Variants in WLS observed in about 807,000 individuals in gnomAD.
WLS encodes Wnt ligand secretion mediator, also known as protein wntless homolog.
Under a neutral mutation model 62.8 loss-of-function variants are expected in WLS, and 23 were observed. That is an observed-to-expected ratio of 0.37 (90% CI 0.26 to 0.52). WLS has a LOEUF of 0.52. WLS is among the 20% of genes least tolerant of loss of function. The probability of loss-of-function intolerance (pLI) is 0.92; values close to 1 mark genes in which losing one functional copy is unlikely to be tolerated. For synonymous variants in WLS, 246 were observed against 244.1 expected (o/e 1.01, Z -0.07); for missense variants, 615 against 697.3 (o/e 0.88, Z 1.33).
intron 1 of WLS, among the ~76,000 whole-genome samples, chr1:68,195,231 T>C (rs1648595413): frequency 6.6e-6 from 1 of 152,252 alleles, no homozygotes; most frequent in South Asian, 2.1e-4. Flanking sequence ...TAACACCAGC[T>C]CTGGAGGCGA....
chr1:68,167,832 G>A (rs755282177), intron 2 of WLS, among the ~76,000 whole-genome samples: 4 of 152,098 alleles, frequency 2.6e-5, no homozygotes, highest in African/African-American at 4.8e-5. Context: ...ACTGTCGTTC[G>A]TTACACTTAC....
chr1:68,156,947 C>T (rs1379542977), intron 3 of WLS, among the ~76,000 whole-genome samples: 1 of 152,138 alleles, frequency 6.6e-6, no homozygotes, highest in African/African-American at 2.4e-5. Context: ...CCAGTTAGGG[C>T]CTTATTTTAT....
chr1:68,098,896 G>T, intron 11 of WLS: 1 of 1,284,346 alleles, frequency 7.8e-7, no homozygotes, highest in Non-Finnish European at 1.0e-6. Context: ...ATTTGTTTAG[G>T]ACTGTGTCCT....
At chr1:68,110,007 TAAAAAAAA>T (rs11290966) in intron 11 of WLS, among the ~76,000 whole-genome samples, 1 of 28,450 alleles carries the variant, frequency 3.5e-5, no homozygotes, top group Non-Finnish European at 6.3e-5. Context: ...ACACAAAAAG[TAAAAAAAA>T]AAAAAAAAAA....
chr1:68,147,298 G>A (rs1211271218), intron 8 of WLS, among the ~76,000 whole-genome samples: 1 of 152,104 alleles, frequency 6.6e-6, no homozygotes, highest in African/African-American at 2.4e-5. Context: ...ACATTTGGTG[G>A]GGGCATAACA....
chr1:68,180,362 C>A (rs1647481938), intron 2 of WLS, among the ~76,000 whole-genome samples: 1 of 152,010 alleles, frequency 6.6e-6, no homozygotes, highest in South Asian at 2.1e-4. Context: ...TTAGGTCAAG[C>A]CTGGGCTTTT....
At chr1:68,124,261 C>G (rs1423281048), downstream of WLS, among the ~76,000 whole-genome samples, 1 of 152,174 alleles carries the variant, frequency 6.6e-6, no homozygotes, top group African/African-American at 2.4e-5. Flanking sequence ...CTGATCGTAT[C>G]ACTTTTCTGC....
rs1646037162 is a variant in WLS, at chr1:68,098,566, A to G, written c.*66T>C. Reference sequence around the variant, plus strand: ...ATGAGTGTATTTGTGTGCGTATACAAGTACAATCAATGTGACTGTGACAAC... The same window carrying G: ...ATGAGTGTATTTGTGTGCGTATACAGGTACAATCAATGTGACTGTGACAAC... On this transcript the variant is annotated 3_prime_UTR_variant, in exon 12 of 12. Transcript: ENST00000354777. 1.9e-6 allele frequency: 3 copies of G among 1,596,302 alleles called. No individual in the cohort carries two copies. In the East Asian group the frequency reaches 6.7e-5, roughly 36 times the overall value.
At chr1:68,180,244 T>A (rs1647475052) in intron 2 of WLS, among the ~76,000 whole-genome samples, 1 of 151,822 alleles carries the variant, frequency 6.6e-6, no homozygotes, top group South Asian at 2.1e-4. Context: ...AGCAAACAAC[T>A]TCAGCTATTA....
In WLS at chr1:68,125,661, A is replaced by T. The variant is rs1646418950; in HGVS notation, c.*565T>A. 3.0e-6 allele frequency: 3 copies of T among 985,464 alleles called. No homozygotes were observed. The highest frequency in any genetic ancestry group is 3.5e-5 in the African/African-American group (2 of 57,230). 61.0% of individuals were successfully genotyped at this position (985,464 alleles called of 1,614,324 possible). A position where few individuals can be genotyped will look rare whatever the true frequency, so the allele number is the denominator to read the frequency against. On this transcript the variant is annotated 3_prime_UTR_variant, in exon 12 of 12. Coordinates refer to ENST00000262348, the MANE Select transcript of WLS (RefSeq NM_024911.7). ...TGGAATAAATCTTCTCATGAAATTCAGTTATATTATGCCACAAAACAGGGA... is the reference window on the plus strand; with the variant it reads ...TGGAATAAATCTTCTCATGAAATTCTGTTATATTATGCCACAAAACAGGGA...
chr1:68,155,071 CAT>C (rs763315342), intron 4 of WLS, 26 bp downstream of exon 4: 2 of 1,606,720 alleles, frequency 1.2e-6, no homozygotes, highest in African/African-American at 1.3e-5. Flanking sequence ...CTCCAATACA[CAT>C]GTCAAGATCA....
intron 11 of WLS, among the ~76,000 whole-genome samples, chr1:68,104,249 G>A (rs762793708): frequency 2.8e-4 from 42 of 151,960 alleles, no homozygotes; most frequent in Non-Finnish European, 5.1e-4. Flanking sequence ...AAAGTCACAC[G>A]AAACTCTTCT....
rs750228114 is a variant in WLS at position 68,155,073 on chromosome 1, T to C, written c.666+26A>G. ...AGATGGAGTTCCCCTCCAATACACATGTCAAGATCAATTACATTCACTTAC... is the reference window on the plus strand; with the variant it reads ...AGATGGAGTTCCCCTCCAATACACACGTCAAGATCAATTACATTCACTTAC... On this transcript the variant is annotated intron_variant, in intron 4 of 11. Transcript: ENST00000262348. The C allele has an allele frequency of 3.7e-6, 6 of 1,608,886 alleles. No homozygotes were observed. In the African/African-American group the frequency reaches 6.7e-5, roughly 18 times the overall value.
At chr1:68,106,716 C>CTGTGTGTGTGTGTG (rs59601112) in intron 11 of WLS, among the ~76,000 whole-genome samples, 10 of 146,824 alleles carry the variant, frequency 6.8e-5, no homozygotes, top group African/African-American at 2.5e-4. Context: ...GTGTTTGTCA[C>CTGTGTGTGTGTGTG]TGTGTGTGTG....
intron 11 of WLS, among the ~76,000 whole-genome samples, chr1:68,099,410 T>TATTC (rs2100281836): frequency 6.6e-6 from 1 of 152,252 alleles, no homozygotes; most frequent in East Asian, 1.9e-4. Context: ...GTAACTGGGT[T>TATTC]GTCAATTTAA....
intron 11 of WLS, among the ~76,000 whole-genome samples, chr1:68,135,080 T>C (rs1244475349): frequency 6.6e-6 from 1 of 152,196 alleles, no homozygotes; most frequent in East Asian, 1.9e-4. Flanking sequence ...TGGCAAGAAG[T>C]GTTCTTCTGC....
At chr1:68,118,000 G>GA (rs889501355) in intron 11 of WLS, among the ~76,000 whole-genome samples, 1 of 151,478 alleles carries the variant, frequency 6.6e-6, no homozygotes, top group Non-Finnish European at 1.5e-5. Flanking sequence ...TTTAAAACTA[G>GA]AAAAAATGTG....
At chr1:68,190,146 T>C (rs1411313978) in intron 2 of WLS, among the ~76,000 whole-genome samples, 7 of 152,176 alleles carry the variant, frequency 4.6e-5, no homozygotes, top group African/African-American at 1.7e-4. Context: ...AGAGCGGTTC[T>C]GTAACTTCCC....
chr1:68,149,970 C>T (rs1028281099), intron 6 of WLS, among the ~76,000 whole-genome samples: 3 of 152,184 alleles, frequency 2.0e-5, no homozygotes, highest in Non-Finnish European at 2.9e-5. Context: ...ACCCGAGATT[C>T]AGAGTGATAA....
Sources: allele counts gnomAD v4.1 joint callset (sites outside exome capture counted in the v4.1 genomes callset), GRCh38; gene constraint gnomAD v4.1.1; transcripts MANE v1.5; gene names NCBI Gene and HGNC (gene_info 2026-07-23, HGNC 2026-07-21).